Variants in SNTG2 observed in about 807,000 individuals in gnomAD.
SNTG2 encodes syntrophin gamma 2.
A neutral mutation model predicts 70.9 loss-of-function variants in SNTG2; 74 were observed. That is an observed-to-expected ratio of 1.04 (90% CI 0.86 to 1.27). The LOEUF is 1.27. Ranked by LOEUF, SNTG2 falls within the 50% of genes most tolerant of loss-of-function variation. The pLI, the probability that SNTG2 is intolerant of heterozygous loss-of-function variation, is 0.00. For missense variants in SNTG2, 717 were observed against 690.7 expected, an observed-to-expected ratio of 1.04 and a Z score of -0.43; for synonymous variants, 278 against 273.8, an observed-to-expected ratio of 1.02 and a Z score of -0.15.
At chr2:1,140,486 C>G (rs1237676363) in intron 6 of SNTG2, among the ~76,000 whole-genome samples, 1 of 152,198 alleles carries the variant, frequency 6.6e-6, no homozygotes, top group South Asian at 2.1e-4. Flanking sequence ...GTCTCGGGGG[C>G]GGGCAGCAGG....
intron 2 of SNTG2, among the ~76,000 whole-genome samples, chr2:1,092,576 C>A (rs1255008704): frequency 6.6e-6 from 1 of 152,198 alleles, no homozygotes; most frequent in Admixed American, 6.5e-5. Context: ...GCAGCCATAA[C>A]AAATTTAAAT....
At chr2:1,305,365 T>G (rs1680628990) in intron 14 of SNTG2, among the ~76,000 whole-genome samples, 1 of 152,214 alleles carries the variant, frequency 6.6e-6, no homozygotes, top group South Asian at 2.1e-4. Flanking sequence ...TATGAGGATG[T>G]CTTTCAAGAA....
intron 9 of SNTG2, among the ~76,000 whole-genome samples, chr2:1,213,019 G>A (rs1674147278): frequency 2.0e-5 from 3 of 152,206 alleles, no homozygotes; most frequent in Admixed American, 2.0e-4. Context: ...CATCCTGTGG[G>A]TGTCCCCTCT....
intron 9 of SNTG2, among the ~76,000 whole-genome samples, chr2:1,225,062 G>A (rs943873231): frequency 1.3e-5 from 2 of 152,226 alleles, no homozygotes; most frequent in African/African-American, 4.8e-5. Context: ...GTGAATCGGA[G>A]ACTGAGTTCT....
intron 1 of SNTG2, among the ~76,000 whole-genome samples, chr2:1,014,320 A>T (rs112827859): frequency 4.4e-5 from 3 of 68,628 alleles, no homozygotes; most frequent in Non-Finnish European, 9.9e-5. Flanking sequence ...CTGTAGAGGG[A>T]TTTATATGGG....
At chr2:1,289,086 C>T (rs1679885557) in intron 14 of SNTG2, among the ~76,000 whole-genome samples, 1 of 152,046 alleles carries the variant, frequency 6.6e-6, no homozygotes, top group South Asian at 2.1e-4. Flanking sequence ...CTGCCATCAT[C>T]TCTGCTTGGC....
At chr2:1,335,487 G>C (rs1049124335) in intron 16 of SNTG2, among the ~76,000 whole-genome samples, 28 of 152,270 alleles carry the variant, frequency 1.8e-4, no homozygotes, top group African/African-American at 6.3e-4. Flanking sequence ...AGGCAGGTGA[G>C]GAAGTTAGAG....
At chr2:1,064,050 G>A (rs779096313) in intron 1 of SNTG2, among the ~76,000 whole-genome samples, 1 of 152,068 alleles carries the variant, frequency 6.6e-6, no homozygotes, top group Non-Finnish European at 1.5e-5. Context: ...AGATTAAAAA[G>A]ATAAAATACT....
intron 16 of SNTG2, among the ~76,000 whole-genome samples, chr2:1,340,195 A>C (rs187879801): frequency 6.6e-6 from 1 of 152,324 alleles, no homozygotes; most frequent in African/African-American, 2.4e-5. Flanking sequence ...TAGGTAACAA[A>C]ACTTGCAGAC....
chr2:1,148,816 G>A (rs1195205684), intron 6 of SNTG2, among the ~76,000 whole-genome samples: 1 of 92,654 alleles, frequency 1.1e-5, no homozygotes, highest in African/African-American at 4.2e-5. Flanking sequence ...GAGGAGAGAA[G>A]GTGAAGGTGG....
chr2:1,242,248 TCA>T (rs1004784920), intron 11 of SNTG2, among the ~76,000 whole-genome samples: 10 of 152,204 alleles, frequency 6.6e-5, no homozygotes, highest in African/African-American at 2.2e-4. Context: ...AAATTTTTTT[TCA>T]CTCTGAACAA....
chr2:1,051,097 T>A (rs1662032397), intron 1 of SNTG2, among the ~76,000 whole-genome samples: 2 of 150,724 alleles, frequency 1.3e-5, no homozygotes, highest in East Asian at 4.0e-4. Flanking sequence ...AATAATATCA[T>A]CTATGAAAAA....
intron 8 of SNTG2, among the ~76,000 whole-genome samples, chr2:1,201,618 C>T (rs576187688): frequency 5.9e-5 from 9 of 151,526 alleles, no homozygotes; most frequent in East Asian, 1.9e-4. Flanking sequence ...AGAAAATATC[C>T]GAAATGTTCC....
At position 1,186,248 on chromosome 2, in the gene SNTG2, C is replaced by T. The variant is rs981401761; in HGVS notation, c.591+13065C>T. Among the ~76,000 whole-genome samples the T allele has an allele frequency of 1.1e-4, 16 of 152,292 alleles. 1 individual carries two copies. The highest frequency in any genetic ancestry group is 2.9e-4 in the African/African-American group (12 of 41,566). On this transcript the variant is annotated intron_variant, in intron 8 of 16. Coordinates refer to ENST00000308624, the MANE Select transcript of SNTG2 (RefSeq NM_018968.4). ...TCTGAGACCACCTCAGCCTGGACTT[C>T]ATTCACTATCAGCATTTTGGTCACA... is the stretch of plus-strand genomic sequence containing the variant.
chr2:1,337,657 T>G (rs1210230778), intron 16 of SNTG2, among the ~76,000 whole-genome samples: 2 of 152,160 alleles, frequency 1.3e-5, no homozygotes, highest in East Asian at 3.8e-4. Flanking sequence ...TATTCTTTGT[T>G]TACAGTGTCC....
chr2:1,069,693 A>G (rs554755491), intron 1 of SNTG2, among the ~76,000 whole-genome samples: 104 of 152,256 alleles, frequency 6.8e-4, no homozygotes, highest in African/African-American at 2.2e-3. Context: ...CTGGAGGCTG[A>G]GGCAAGAGAA....
At chr2:996,691 T>G (rs1421112317) in intron 1 of SNTG2, among the ~76,000 whole-genome samples, 3 of 137,078 alleles carry the variant, frequency 2.2e-5, no homozygotes, top group Admixed American at 2.2e-4. Context: ...TTTTTTTTTT[T>G]TTTTTTTTTT....
intron 1 of SNTG2, among the ~76,000 whole-genome samples, chr2:1,007,921 A>G (rs899395461): frequency 6.6e-6 from 1 of 152,026 alleles, no homozygotes; most frequent in Non-Finnish European, 1.5e-5. Flanking sequence ...CACCTGGTTA[A>G]TTTTATAATT....
intron 1 of SNTG2, among the ~76,000 whole-genome samples, chr2:1,070,197 G>A (rs561056131): frequency 3.3e-5 from 5 of 152,060 alleles, no homozygotes; most frequent in African/African-American, 7.2e-5. Flanking sequence ...TGAGCCCACC[G>A]GAGACCCCAC....
Sources: gnomAD v4.1 joint callset for allele counts (sites outside exome capture counted in the v4.1 genomes callset) on GRCh38, gnomAD v4.1.1 for gene constraint, MANE v1.5 for transcripts, NCBI Gene and HGNC (gene_info 2026-07-23, HGNC 2026-07-21) for gene names.